Variants in CARD8 observed in about 807,000 individuals in gnomAD.
CARD8 encodes the protein caspase recruitment domain-containing protein 8.
A neutral mutation model predicts 53.2 loss-of-function variants in CARD8; 38 were observed. The observed-to-expected ratio is 0.71, with a 90% CI of 0.55 to 0.94. The LOEUF (loss-of-function observed/expected upper bound fraction) is 0.94, where lower values mean the gene tolerates loss of function less well. Among genes scored for constraint, CARD8 ranks in the 40% least tolerant of loss-of-function variants. The pLI is 0.00. For missense variants in CARD8, 561 were observed against 655.5 expected, an observed-to-expected ratio of 0.86 and a Z score of 1.57; for synonymous variants, 245 against 244.9, an observed-to-expected ratio of 1.00 and a Z score of 0.00.
chr19:48,247,087 G>A (rs1325633914), intron 3 of CARD8, among the ~76,000 whole-genome samples: 1 of 148,950 alleles, frequency 6.7e-6, no homozygotes, highest in African/African-American at 2.6e-5. Context: ...ACCTTGAGAG[G>A]CCAAGCCGGG....
rs535028752 is a variant in CARD8, at chr19:48,230,959, A to G, written c.590T>C (p.Leu197Pro). The change falls in exon 9 of 14, where the codon CTC becomes CCC. Residue 197 changes from leucine (L) to proline (P), a missense_variant. Physicochemically the swap from Leu to Pro is moderately conservative, Grantham distance 98 (BLOSUM62 -3). Transcript: ENST00000651546. The part of the protein sequence containing the change: ...AGWYLWSATG[L>P]GFLVRDEVTV... ...GACCTCATCCCTTACCAGGAAGCCG[A>G]GGCCTGTGGCTGACCACAGATACCA... The G allele has an allele frequency of 1.2e-6, 2 of 1,614,160 alleles. No individual in the cohort carries two copies. Among genetic ancestry groups the G allele is most frequent in the African/African-American group, 2.7e-5 (2 of 75,040 alleles).
At chr19:48,231,985 G>A (rs537443907) in intron 7 of CARD8, 175 bp from the exon 8 acceptor site, 1 of 700,410 alleles carries the variant, frequency 1.4e-6, no homozygotes, top group African/African-American at 1.7e-5. Context: ...AAAGGCACAA[G>A]AATGTTCCTT....
chr19:48,244,633 A>G (rs80146464), intron 3 of CARD8, among the ~76,000 whole-genome samples: 1 of 152,168 alleles, frequency 6.6e-6, no homozygotes, highest in South Asian at 2.1e-4. Flanking sequence ...AAATGCCCTA[A>G]TGTGACAGAG....
chr19:48,219,756 G>A (rs1388804706), intron 11 of CARD8, among the ~76,000 whole-genome samples: 1 of 152,088 alleles, frequency 6.6e-6, no homozygotes, highest in Non-Finnish European at 1.5e-5. Flanking sequence ...GATTGCTTGA[G>A]GTCAGGAGCT....
chr19:48,214,624 G>A (rs1424730850), intron 13 of CARD8, among the ~76,000 whole-genome samples: 1 of 152,198 alleles, frequency 6.6e-6, no homozygotes, highest in East Asian at 1.9e-4. Context: ...GGAAGAATCA[G>A]GGAAGAAGGG....
intron 5 of CARD8, among the ~76,000 whole-genome samples, chr19:48,237,554 TG>T (rs2044130012): frequency 6.6e-6 from 1 of 152,024 alleles, no homozygotes; most frequent in South Asian, 2.1e-4. Context: ...CCCAGCACTT[TG>T]GGAGGCTGAG....
intron 4 of CARD8, 52 bp downstream of exon 4, chr19:48,240,910 A>G: frequency 7.2e-7 from 1 of 1,388,168 alleles, no homozygotes. Flanking sequence ...ACTATAACGA[A>G]ACACAGAAGA....
chr19:48,250,021 G>T (rs1414985879), intron 1 of CARD8, 174 bp from the exon 2 acceptor site: 1 of 152,132 alleles, frequency 6.6e-6, no homozygotes, highest in Non-Finnish European at 1.5e-5. Flanking sequence ...TACTCAAGTT[G>T]TTTTAATTTC....
intron 12 of CARD8, 124 bp downstream of exon 12, chr19:48,218,747 C>T (rs1315040081): frequency 9.2e-7 from 1 of 1,087,424 alleles, no homozygotes; most frequent in Non-Finnish European, 1.3e-6. Flanking sequence ...TGTTTTAACA[C>T]TGACAATAGA....
At position 48,211,245 on chromosome 19, in the gene CARD8, A is replaced by C. The variant is rs567050175; in HGVS notation, c.*465T>G. On this transcript the variant is annotated 3_prime_UTR_variant, in exon 14 of 14. Transcript: ENST00000651546. ...TACAAAAAAAAAAAAGACTGTCATC[A>C]TGTATGCCTTGAGTGTCCTCAGCTG... is the stretch of plus-strand genomic sequence containing the variant. The C allele has an allele frequency of 6.5e-6, 1 of 154,170 alleles. No individual in the cohort carries two copies. The highest frequency in any genetic ancestry group is 2.4e-5 in the African/African-American group (1 of 41,472). The allele number at this position is 154,170 out of a possible 1,614,324, so 9.6% of individuals were successfully genotyped here.
rs1230061681 is a variant in CARD8 at position 48,211,388 on chromosome 19, T to TGGATG, written c.*321_*322insCATCC. ...AAAGTTGCCTTTCCAGGCCCCATCC[T>TGGATG]TCATAAACACACCTATCCGGATGTC... On this transcript the variant is annotated 3_prime_UTR_variant, in exon 14 of 14. Coordinates refer to ENST00000651546, the MANE Select transcript of CARD8 (RefSeq NM_001184900.3). 4.4e-6 allele frequency: 1 copy of TGGATG among 225,222 alleles called. No individual in the cohort carries two copies. The highest frequency in any genetic ancestry group is 8.8e-6 in the Non-Finnish European group (1 of 113,998). The allele number at this position is 225,222 out of a possible 1,614,324, so 14.0% of individuals were successfully genotyped here. A position where few individuals can be genotyped will look rare whatever the true frequency, so the allele number is the denominator to read the frequency against.
In CARD8 at chr19:48,219,063, G is replaced by A. The variant is rs374981965; in HGVS notation, c.1162-51C>T. On this transcript the variant is annotated intron_variant, in intron 11 of 13. Transcript: ENST00000651546. ...GAAGCAGTGGAGGGTGGAAAGGCCC[G>A]GCTCCCTACAGTGAACTGGCCAATG... The A allele has an allele frequency of 6.7e-5, 106 of 1,586,134 alleles. 1 individual carries two copies. The East Asian group carries it at 7.2e-4, about 11-fold the overall frequency.
chr19:48,223,464 G>A (rs1255834401), intron 10 of CARD8, among the ~76,000 whole-genome samples: 1 of 152,072 alleles, frequency 6.6e-6, no homozygotes, highest in Non-Finnish European at 1.5e-5. Context: ...GGCAGAGAAG[G>A]GATGTGGAGA....
In CARD8 at chr19:48,211,984, A is replaced by C; in HGVS notation, c.1349-9T>G. ...CTTCACAAAGGCTGCACCTGGATGA[A>C]AGGGGGAGTTTCAGACTTTGAGAAT... On this transcript the variant is annotated splice_polypyrimidine_tract_variant and intron_variant, in intron 13 of 13. Coordinates refer to ENST00000651546, the MANE Select transcript of CARD8 (RefSeq NM_001184900.3). 1.2e-6 allele frequency: 2 copies of C among 1,611,408 alleles called. No homozygotes were observed. The highest frequency in any genetic ancestry group is 1.7e-6 in the Non-Finnish European group (2 of 1,178,416).
rs1373054226 is a variant in CARD8, at chr19:48,241,060, T to A, written c.-40A>T. On this transcript the variant is annotated 5_prime_UTR_variant, in exon 4 of 14. Coordinates refer to ENST00000651546, the MANE Select transcript of CARD8 (RefSeq NM_001184900.3). ...ATTTATGTCTTTACTGTATCTTTTT[T>A]ACCCTGAAAAAATAAAAGGAGGTTG... is the stretch of plus-strand genomic sequence containing the variant. The A allele has an allele frequency of 4.1e-6, 6 of 1,476,084 alleles. No individual in the cohort carries two copies. In the East Asian group the frequency reaches 1.5e-4, roughly 36 times the overall value. The allele number at this position is 1,476,084 out of a possible 1,614,324, so 91.4% of individuals were successfully genotyped here.
intron 7 of CARD8, chr19:48,232,208 C>G (rs2043035607): frequency 1.7e-6 from 1 of 590,368 alleles, no homozygotes; most frequent in African/African-American, 1.9e-5. Flanking sequence ...GAGCGTGCAT[C>G]CTTCCTAGGC....
downstream of CARD8, among the ~76,000 whole-genome samples, chr19:48,207,734 G>GTTTTT (rs758903014): frequency 4.3e-5 from 5 of 116,550 alleles, no homozygotes; most frequent in African/African-American, 1.8e-4. Flanking sequence ...TTGTTTTTCT[G>GTTTTT]TTTTTTTTTT....
chr19:48,217,022 C>A (rs1600129894), intron 12 of CARD8, among the ~76,000 whole-genome samples: 2 of 152,164 alleles, frequency 1.3e-5, no homozygotes, highest in African/African-American at 4.8e-5. Context: ...GTGTTAGATT[C>A]TCCTAAGGAG....
chr19:48,253,044 T>C (rs2047138091), intron 1 of CARD8, among the ~76,000 whole-genome samples: 1 of 152,138 alleles, frequency 6.6e-6, no homozygotes, highest in African/African-American at 2.4e-5. Flanking sequence ...TACTATTTAA[T>C]GGGTTGGACA....
Sources: allele counts gnomAD v4.1 joint callset (sites outside exome capture counted in the v4.1 genomes callset), GRCh38; gene constraint gnomAD v4.1.1; transcripts MANE v1.5; gene names NCBI Gene and HGNC (gene_info 2026-07-23, HGNC 2026-07-21).